Variants in MNAT1 observed in about 807,000 individuals in gnomAD.
MNAT1 encodes the protein MNAT1 component of CDK activating kinase.
Under a neutral mutation model 42.0 loss-of-function variants are expected in MNAT1, and 43 were observed. The ratio of observed to expected loss-of-function variants is 1.02; its 90% CI spans 0.80 to 1.32. MNAT1 has a LOEUF of 1.32. Among genes scored for constraint, MNAT1 ranks in the 40% most tolerant of loss-of-function variants. The probability of loss-of-function intolerance (pLI) is 0.00; values close to 1 mark genes in which losing one functional copy is unlikely to be tolerated. For synonymous variants in MNAT1, 118 were observed against 120.0 expected, an observed-to-expected ratio of 0.98 and a Z score of 0.11; for missense variants, 306 against 350.4, an observed-to-expected ratio of 0.87 and a Z score of 1.01.
intron 1 of MNAT1, among the ~76,000 whole-genome samples, chr14:60,764,413 T>C (rs1399740759): frequency 6.6e-6 from 1 of 152,218 alleles, no homozygotes; most frequent in East Asian, 1.9e-4. Flanking sequence ...TTTTTGTCTA[T>C]CAGATAGTGA....
intron 7 of MNAT1, among the ~76,000 whole-genome samples, chr14:60,896,963 AC>A (rs2139497769): frequency 6.6e-6 from 1 of 152,312 alleles, no homozygotes; most frequent in Non-Finnish European, 1.5e-5. Flanking sequence ...TACCTTCTGA[AC>A]CTACTCTTAA....
At chr14:60,864,195 C>A (rs557978938) in intron 6 of MNAT1, among the ~76,000 whole-genome samples, 1 of 151,688 alleles carries the variant, frequency 6.6e-6, no homozygotes, top group African/African-American at 2.4e-5. Flanking sequence ...ACTAGAGTAG[C>A]TTTCATTTAA....
chr14:60,752,225 T>C (rs1047165045), intron 1 of MNAT1, among the ~76,000 whole-genome samples: 1 of 152,182 alleles, frequency 6.6e-6, no homozygotes, highest in African/African-American at 2.4e-5. Context: ...ACAAAAAAGC[T>C]TTCAAAAGTG....
chr14:60,846,917 C>G (rs2033696687), intron 6 of MNAT1, among the ~76,000 whole-genome samples: 3 of 152,142 alleles, frequency 2.0e-5, no homozygotes, highest in Non-Finnish European at 4.4e-5. Flanking sequence ...GTTTGTCTAT[C>G]AATTATTGAG....
chr14:60,915,799 T>G (rs1240946315), intron 7 of MNAT1, among the ~76,000 whole-genome samples: 2 of 152,248 alleles, frequency 1.3e-5, no homozygotes, highest in African/African-American at 4.8e-5. Context: ...TGTCTTTAGA[T>G]TTAAGTGAAA....
intron 1 of MNAT1, chr14:60,780,062 A>G: frequency 6.7e-7 from 1 of 1,487,008 alleles, no homozygotes; most frequent in Non-Finnish European, 9.4e-7. Context: ...ATTCGGCATC[A>G]ACAGCATTTT....
intron 1 of MNAT1, among the ~76,000 whole-genome samples, chr14:60,791,061 CTTTA>C (rs1172352495): frequency 6.6e-6 from 1 of 152,116 alleles, no homozygotes; most frequent in Non-Finnish European, 1.5e-5. Context: ...TCTGGCACAG[CTTTA>C]TTTAATTATT....
intron 1 of MNAT1, among the ~76,000 whole-genome samples, chr14:60,743,275 A>G (rs1896523833): frequency 6.6e-6 from 1 of 151,716 alleles, no homozygotes; most frequent in Non-Finnish European, 1.5e-5. Context: ...CATCTGCCTA[A>G]AGAACATTCT....
At chr14:60,918,757 T>TACA in intron 7 of MNAT1, among the ~76,000 whole-genome samples, 1 of 144,606 alleles carries the variant, frequency 6.9e-6, no homozygotes, top group Non-Finnish European at 1.5e-5. Flanking sequence ...TATATATATA[T>TACA]TTTTGTCCTT....
chr14:60,740,496 G>A lies in MNAT1; in HGVS notation c.89+5545G>A, dbSNP rs1896432982. ...GTATTTCCTCTAAATTGTTAGTTAT[G>A]TTTAAAAGTTTTATCAGATTAAGTT... On this transcript the variant is annotated intron_variant, in intron 1 of 7. Transcript: ENST00000261245. The surrounding 1 kb of genome is among the most constrained non-coding windows in gnomAD (Gnocchi z 4.1). Among the ~76,000 whole-genome samples, 1 of 151,998 alleles carries A rather than the reference G, an allele frequency of 6.6e-6. No individual in the cohort carries two copies. Among genetic ancestry groups the A allele is most frequent in the Non-Finnish European group, 1.5e-5 (1 of 67,992 alleles).
chr14:60,854,303 A>G (rs2033901469), intron 6 of MNAT1, among the ~76,000 whole-genome samples: 1 of 152,168 alleles, frequency 6.6e-6, no homozygotes, highest in Non-Finnish European at 1.5e-5. Context: ...TACTTCTGTC[A>G]GTTCATCAAT....
At chr14:60,770,020 G>C (rs1820155423) in intron 1 of MNAT1, among the ~76,000 whole-genome samples, 1 of 152,048 alleles carries the variant, frequency 6.6e-6, no homozygotes, top group Non-Finnish European at 1.5e-5. Context: ...TATTTACATT[G>C]TTGTGCAATG....
At chr14:60,941,915 A>G (rs1295734925) in intron 7 of MNAT1, among the ~76,000 whole-genome samples, 1 of 142,578 alleles carries the variant, frequency 7.0e-6, no homozygotes, top group Non-Finnish European at 1.5e-5. Context: ...GAGGCAGGAG[A>G]ATGGCATGAA....
chr14:60,742,882 T>G (rs2140285200), intron 1 of MNAT1, among the ~76,000 whole-genome samples: 1 of 152,386 alleles, frequency 6.6e-6, no homozygotes, highest in Middle Eastern at 3.4e-3. Context: ...TACTACATTT[T>G]ATCCATTCAT....
chr14:60,956,094 T>A (rs2036483424), intron 7 of MNAT1, among the ~76,000 whole-genome samples: 1 of 152,070 alleles, frequency 6.6e-6, no homozygotes, highest in Admixed American at 6.5e-5. Context: ...TAATATCAGG[T>A]TATTTGAGAT....
chr14:60,924,924 T>C (rs983444403), intron 7 of MNAT1, among the ~76,000 whole-genome samples: 20 of 152,252 alleles, frequency 1.3e-4, no homozygotes, highest in Non-Finnish European at 2.4e-4. Context: ...ATAATGTAGA[T>C]TCCATATTGT....
intron 1 of MNAT1, among the ~76,000 whole-genome samples, chr14:60,787,672 A>G (rs1027851261): frequency 1.3e-5 from 2 of 152,206 alleles, no homozygotes; most frequent in Admixed American, 6.5e-5. Context: ...AACTAACTGT[A>G]TATGTTATTT....
chr14:60,943,547 G>T (rs566520854), intron 7 of MNAT1, among the ~76,000 whole-genome samples: 1 of 151,858 alleles, frequency 6.6e-6, no homozygotes, highest in Non-Finnish European at 1.5e-5. Context: ...ATATCATCTC[G>T]TTAGAGTCAA....
chr14:60,786,544 AG>A (rs1174399833), intron 1 of MNAT1, among the ~76,000 whole-genome samples: 1 of 152,162 alleles, frequency 6.6e-6, no homozygotes, highest in Non-Finnish European at 1.5e-5. Flanking sequence ...TTATCATATT[AG>A]GAATTAAAAT....
Sources: allele counts gnomAD v4.1 joint callset (sites outside exome capture counted in the v4.1 genomes callset), GRCh38; gene constraint gnomAD v4.1.1; non-coding constraint Gnocchi (gnomAD v3.1); transcripts MANE v1.5; gene names NCBI Gene and HGNC (gene_info 2026-07-23, HGNC 2026-07-21).